Variants in CSMD3 observed in about 807,000 individuals in gnomAD.
CSMD3 encodes the protein CUB and Sushi multiple domains 3.
CSMD3 carries 177 observed loss-of-function variants against 435.2 expected under a neutral mutation model. The ratio of observed to expected loss-of-function variants is 0.41; its 90% CI spans 0.36 to 0.46. The LOEUF is 0.46. Among genes scored for constraint, CSMD3 ranks in the 20% least tolerant of loss-of-function variants. CSMD3 has a pLI of 0.34. For synonymous variants in CSMD3, 1,656 were observed against 1,520.5 expected (o/e 1.09, Z -2.07); for missense variants, 4,265 against 4,504.6 (o/e 0.95, Z 1.52).
intron 1 of CSMD3, among the ~76,000 whole-genome samples, chr8:113,339,138 A>C (rs2094099516): frequency 6.6e-6 from 1 of 151,960 alleles, no homozygotes; most frequent in Non-Finnish European, 1.5e-5. Flanking sequence ...TTAAAGATTA[A>C]GCATGTTAAC....
chr8:113,106,946 G>A (rs1010188619), intron 4 of CSMD3, among the ~76,000 whole-genome samples: 1 of 151,872 alleles, frequency 6.6e-6, no homozygotes, highest in Non-Finnish European at 1.5e-5. Context: ...ATTCAGAGTT[G>A]TATAACCATC....
intron 6 of CSMD3, among the ~76,000 whole-genome samples, chr8:113,014,730 T>C (rs1346208575): frequency 6.6e-6 from 1 of 152,122 alleles, no homozygotes; most frequent in Admixed American, 6.6e-5. Context: ...GATCTCAGTC[T>C]TAAGACTCAA....
Position 112,685,557 on chromosome 8 carries a change from A to G in CSMD3, c.2331T>C (p.Val777=). 2 of 1,614,042 alleles carry G rather than the reference A, an allele frequency of 1.2e-6. No individual in the cohort carries two copies. The highest frequency in any genetic ancestry group is 1.7e-6 in the Non-Finnish European group (2 of 1,179,962). Residue 777 remains valine (V), a synonymous_variant, in exon 15 of 71, where the codon GTT becomes GTC. Coordinates refer to ENST00000297405, the MANE Select transcript of CSMD3 (RefSeq NM_198123.2). ...GGGATTCTGGAGAGTCACCATCTTT[A>G]ACAGCAAGGAAATCAAACTGGGATT... The part of the protein sequence containing the change: ...DLESQFDFLA[V]KDGDSPESPI...
At chr8:112,955,308 G>A (rs1417641432) in intron 7 of CSMD3, among the ~76,000 whole-genome samples, 2 of 151,512 alleles carry the variant, frequency 1.3e-5, no homozygotes, top group East Asian at 1.9e-4. Flanking sequence ...CACTACAATT[G>A]CTGTTAGTCC....
intron 5 of CSMD3, among the ~76,000 whole-genome samples, chr8:113,040,383 G>A (rs1214701179): frequency 6.6e-6 from 1 of 152,160 alleles, no homozygotes; most frequent in African/African-American, 2.4e-5. Flanking sequence ...GGAATATCAT[G>A]TCTGATTTGC....
chr8:113,100,314 T>C (rs926913711), intron 4 of CSMD3, among the ~76,000 whole-genome samples: 1 of 152,154 alleles, frequency 6.6e-6, no homozygotes, highest in African/African-American at 2.4e-5. Flanking sequence ...GTCTAGACCA[T>C]GTGGCATACT....
At chr8:113,342,398 C>T (rs539347453) in intron 1 of CSMD3, among the ~76,000 whole-genome samples, 8 of 152,056 alleles carry the variant, frequency 5.3e-5, no homozygotes, top group African/African-American at 9.6e-5. Flanking sequence ...ATTTCTACAG[C>T]GCTATTTGCA....
At position 113,125,261 on chromosome 8, in the gene CSMD3, T is replaced by C. The variant is rs1023266491; in HGVS notation, c.710-26298A>G. 5.3e-5 allele frequency among the ~76,000 whole-genome samples: 8 copies of C among 152,080 alleles called. No individual in the cohort carries two copies. In the South Asian group the frequency reaches 6.2e-4, roughly 12 times the overall value. Reference sequence around the variant, plus strand: ...CCAAGTAGAAGTGGACTGGGCCCACTGGTTTGCATGATCCTCCTGTTTATG... The same window carrying C: ...CCAAGTAGAAGTGGACTGGGCCCACCGGTTTGCATGATCCTCCTGTTTATG... On this transcript the variant is annotated intron_variant, in intron 4 of 70. Transcript: ENST00000297405.
intron 50 of CSMD3, among the ~76,000 whole-genome samples, chr8:112,307,817 A>T (rs752392485): frequency 6.6e-6 from 1 of 152,206 alleles, no homozygotes; most frequent in Admixed American, 6.5e-5. Context: ...CTCATAACAG[A>T]AGAAATAAAC....
intron 13 of CSMD3, among the ~76,000 whole-genome samples, chr8:112,716,058 T>G (rs187505524): frequency 8.5e-4 from 129 of 152,236 alleles, no homozygotes; most frequent in African/African-American, 3.0e-3. Flanking sequence ...CAGCATAGTA[T>G]TGGAAGATTT....
intron 10 of CSMD3, among the ~76,000 whole-genome samples, chr8:112,920,993 GCGCGCACACACACACA>G (rs2082722872): frequency 8.9e-6 from 1 of 112,252 alleles, no homozygotes; most frequent in African/African-American, 4.0e-5. Flanking sequence ...ACATACGCGC[GCGCGCACACACACACA>G]CACACACACA....
At chr8:112,246,046 G>A (rs1425557378) in intron 64 of CSMD3, among the ~76,000 whole-genome samples, 4 of 152,040 alleles carry the variant, frequency 2.6e-5, no homozygotes, top group African/African-American at 4.8e-5. Flanking sequence ...AAAGAACAAT[G>A]GTTTACTGTG....
At chr8:112,873,283 T>C (rs2081188010) in intron 10 of CSMD3, among the ~76,000 whole-genome samples, 2 of 151,926 alleles carry the variant, frequency 1.3e-5, no homozygotes, top group Admixed American at 1.3e-4. Context: ...TTTTGGAAGA[T>C]TTTAGACCTC....
intron 3 of CSMD3, among the ~76,000 whole-genome samples, chr8:113,181,496 T>C (rs905271016): frequency 7.9e-5 from 12 of 152,072 alleles, no homozygotes; most frequent in African/African-American, 2.9e-4. Context: ...ATTAGTTATG[T>C]TGACCCATGA....
At chr8:112,601,623 T>C (rs1476838081) in intron 22 of CSMD3, among the ~76,000 whole-genome samples, 1 of 152,078 alleles carries the variant, frequency 6.6e-6, no homozygotes, top group Non-Finnish European at 1.5e-5. Flanking sequence ...GAAGGTAGCA[T>C]TTTGGTTGCA....
chr8:112,468,274 A>T lies in CSMD3; in HGVS notation c.5395+4317T>A, dbSNP rs546248919. Reference sequence around the variant, plus strand: ...TTTTTTTTACCAATTGATCCACCTCATATCTTCAGCTTTGTCTTCTCTACT... The same window carrying T: ...TTTTTTTTACCAATTGATCCACCTCTTATCTTCAGCTTTGTCTTCTCTACT... On this transcript the variant is annotated intron_variant, in intron 32 of 70. Coordinates refer to ENST00000297405, the MANE Select transcript of CSMD3 (RefSeq NM_198123.2). Among the ~76,000 whole-genome samples the T allele has an allele frequency of 1.1e-4, 15 of 136,730 alleles. 1 individual carries two copies. In the South Asian group the frequency reaches 1.6e-3, roughly 15 times the overall value. 89.7% of individuals were successfully genotyped at this position (136,730 alleles called of 152,430 possible).
intron 32 of CSMD3, among the ~76,000 whole-genome samples, chr8:112,431,750 CT>C (rs559983569): frequency 5.3e-5 from 8 of 152,120 alleles, no homozygotes; most frequent in Non-Finnish European, 1.2e-4. Flanking sequence ...CTACATACTC[CT>C]TTTTGAGGAT....
At chr8:113,272,718 C>T (rs1048480777) in intron 3 of CSMD3, among the ~76,000 whole-genome samples, 1 of 152,152 alleles carries the variant, frequency 6.6e-6, no homozygotes, top group African/African-American at 2.4e-5. Flanking sequence ...TATTCAATTA[C>T]ATCTAAAATA....
intron 9 of CSMD3, among the ~76,000 whole-genome samples, chr8:112,935,730 AT>A (rs778115948): frequency 1.3e-5 from 2 of 151,698 alleles, no homozygotes; most frequent in South Asian, 2.1e-4. Flanking sequence ...TTGTATGGGG[AT>A]TTTTTTTAAG....
Sources: allele counts gnomAD v4.1 joint callset (sites outside exome capture counted in the v4.1 genomes callset), GRCh38; gene constraint gnomAD v4.1.1; transcripts MANE v1.5; gene names NCBI Gene and HGNC (gene_info 2026-07-23, HGNC 2026-07-21).